PON2: variants seen among roughly 807,000 people sequenced by gnomAD.
PON2 encodes paraoxonase 2.
In PON2, 27 loss-of-function variants were observed where a neutral mutation model predicts 36.6. The observed-to-expected ratio is 0.74, with a 90% CI of 0.54 to 1.02. The LOEUF (loss-of-function observed/expected upper bound fraction) is 1.02, where lower values mean the gene tolerates loss of function less well. Ranked by LOEUF, PON2 falls within the 50% of genes least tolerant of loss-of-function variation. The pLI is 0.00. For synonymous variants in PON2, 149 were observed against 156.3 expected (o/e 0.95, Z 0.35); for missense variants, 363 against 421.1 (o/e 0.86, Z 1.21).
intron 2 of PON2, among the ~76,000 whole-genome samples, chr7:95,422,602 A>T (rs1046224069): frequency 6.6e-6 from 1 of 152,238 alleles, no homozygotes; most frequent in Non-Finnish European, 1.5e-5. Context: ...GTTTTTAAAA[A>T]TTATGTACAG....
Position 95,411,782 on chromosome 7 carries a change from A to T in PON2, c.368-3T>A, listed in dbSNP as rs75311467. 1.2e-6 allele frequency: 2 copies of T among 1,613,234 alleles called. No individual in the cohort carries two copies. The highest frequency in any genetic ancestry group is 2.2e-5 in the East Asian group (1 of 44,858). On this transcript the variant is annotated splice_region_variant and splice_polypyrimidine_tract_variant and intron_variant, in intron 4 of 8. Coordinates refer to ENST00000222572, the MANE Select transcript of PON2 (RefSeq NM_000305.3). ...AACAAAGAGATAAACTGTGTCATCT[A>T]AAGAATTGAAAGAACAGAGTTAATT... is the stretch of plus-strand genomic sequence containing the variant.
At chr7:95,425,009 CA>C (rs1436406311) in intron 1 of PON2, among the ~76,000 whole-genome samples, 1 of 152,012 alleles carries the variant, frequency 6.6e-6, no homozygotes, top group African/African-American at 2.4e-5. Flanking sequence ...ACAGAGACTG[CA>C]AAGAAGCCAA....
chr7:95,405,167 TAAAAG>T lies in PON2; in HGVS notation c.*158_*162del. 2 of 713,336 alleles carry T rather than the reference TAAAAG, an allele frequency of 2.8e-6. No homozygotes were observed. The highest frequency in any genetic ancestry group is 1.8e-5 in the African/African-American group (1 of 55,944). The allele number at this position is 713,336 out of a possible 1,614,324, so 44.2% of individuals were successfully genotyped here. A position where few individuals can be genotyped will look rare whatever the true frequency, so the allele number is the denominator to read the frequency against. ...GAACCTGTTCATTTTCCTTTTTTGT[TAAAAG>T]TGCTCTAAGAACTAAAAGGGCCGTT... On this transcript the variant is annotated 3_prime_UTR_variant, in exon 9 of 9. Transcript: ENST00000222572.
intron 2 of PON2, among the ~76,000 whole-genome samples, chr7:95,417,726 C>CACACACACACACACACACACA (rs56020343): frequency 1.3e-5 from 2 of 148,396 alleles, no homozygotes; most frequent in African/African-American, 5.0e-5. Flanking sequence ...CACACACACA[C>CACACACACACACACACACACA]CGAGAGAGAA....
rs1014215755 is a variant in PON2 at position 95,405,122 on chromosome 7, C to A, written c.*208G>T. The A allele has an allele frequency of 5.5e-6, 3 of 544,436 alleles. No individual in the cohort carries two copies. Among genetic ancestry groups the A allele is most frequent in the African/African-American group, 1.9e-5 (1 of 52,728 alleles). 33.7% of individuals were successfully genotyped at this position (544,436 alleles called of 1,614,324 possible). A position where few individuals can be genotyped will look rare whatever the true frequency, so the allele number is the denominator to read the frequency against. On this transcript the variant is annotated 3_prime_UTR_variant, in exon 9 of 9. Transcript: ENST00000222572. Reference sequence around the variant, plus strand: ...ATTCGAAAGCAGCTTTCTTTTCTGTCCCTTGCTTGGCATTTTAAAGAACCT... The same window carrying A: ...ATTCGAAAGCAGCTTTCTTTTCTGTACCTTGCTTGGCATTTTAAAGAACCT...
chr7:95,415,656 T>G (rs1055983938), intron 3 of PON2, among the ~76,000 whole-genome samples: 10 of 152,212 alleles, frequency 6.6e-5, no homozygotes, highest in African/African-American at 1.9e-4. Flanking sequence ...TAGTGCACAT[T>G]TAAAACACAG....
intron 5 of PON2, 79 bp from the exon 6 acceptor site, chr7:95,410,180 T>G: frequency 1.7e-6 from 2 of 1,205,086 alleles, no homozygotes; most frequent in Non-Finnish European, 2.4e-6. Flanking sequence ...CTCATAAGAT[T>G]TATGCAACAT....
At chr7:95,430,101 G>C (rs1469131215) in intron 1 of PON2, among the ~76,000 whole-genome samples, 2 of 152,120 alleles carry the variant, frequency 1.3e-5, no homozygotes, top group Admixed American at 6.5e-5. Flanking sequence ...TATCTATGAA[G>C]ACTGGATGAA....
At chr7:95,425,214 G>T (rs1355424303) in intron 1 of PON2, among the ~76,000 whole-genome samples, 1 of 152,186 alleles carries the variant, frequency 6.6e-6, no homozygotes, top group Non-Finnish European at 1.5e-5. Flanking sequence ...TGAATTCTGA[G>T]ATTTTAGTGT....
Position 95,420,411 on chromosome 7 carries a change from G to A in PON2, c.145+4104C>T, listed in dbSNP as rs532185772. On this transcript the variant is annotated intron_variant, in intron 2 of 8. Coordinates refer to ENST00000222572, the MANE Select transcript of PON2 (RefSeq NM_000305.3). ...GCTCTTGACATTTTAATATGCAGAT[G>A]TTAATCTGCCAAATCTTGGGTGTAT... Among the ~76,000 whole-genome samples, 11 of 152,270 alleles carry A rather than the reference G, an allele frequency of 7.2e-5. No individual in the cohort carries two copies. The East Asian group carries it at 2.1e-3, about 29-fold the overall frequency.
intron 3 of PON2, chr7:95,415,727 C>G (rs536091242): frequency 6.0e-6 from 1 of 167,584 alleles, no homozygotes; most frequent in African/African-American, 2.4e-5. Flanking sequence ...CTGAGGCAGG[C>G]GATCACCTGA....
At chr7:95,407,818 C>T (rs967260803) in intron 6 of PON2, among the ~76,000 whole-genome samples, 5 of 152,026 alleles carry the variant, frequency 3.3e-5, no homozygotes, top group African/African-American at 9.7e-5. Flanking sequence ...AGCTAACTTC[C>T]GAGGACACAG....
At chr7:95,419,609 T>C (rs1052333644) in intron 2 of PON2, among the ~76,000 whole-genome samples, 2 of 152,188 alleles carry the variant, frequency 1.3e-5, no homozygotes, top group Non-Finnish European at 2.9e-5. Flanking sequence ...ATAGATAACA[T>C]TGCCCACCCT....
intron 1 of PON2, among the ~76,000 whole-genome samples, chr7:95,431,283 A>G (rs1789435799): frequency 6.6e-6 from 1 of 152,202 alleles, no homozygotes; most frequent in African/African-American, 2.4e-5. Context: ...GAGAGAAATA[A>G]CTTGATTGCC....
At chr7:95,410,172 C>A in intron 5 of PON2, 71 bp from the exon 6 acceptor site, 1 of 1,287,842 alleles carries the variant, frequency 7.8e-7, no homozygotes, top group South Asian at 1.2e-5. Flanking sequence ...ATTAAGTACT[C>A]ATAAGATTTA....
At chr7:95,421,931 G>C (rs1405730411) in intron 2 of PON2, among the ~76,000 whole-genome samples, 1 of 152,174 alleles carries the variant, frequency 6.6e-6, no homozygotes, top group Non-Finnish European at 1.5e-5. Flanking sequence ...AGTGAATGTG[G>C]TTACAACTAT....
Position 95,412,357 on chromosome 7 carries a change from A to T in PON2, c.322T>A (p.Leu108Met), listed in dbSNP as rs905131534. 3.7e-6 allele frequency: 6 copies of T among 1,614,186 alleles called. No homozygotes were observed. The highest frequency in any genetic ancestry group is 8.5e-7 in the Non-Finnish European group (1 of 1,180,028). ...RELRISRGFDLASFNPHGIST... is the reference protein window; with the variant it reads ...RELRISRGFDMASFNPHGIST... ...ATGCCATGTGGATTGAATGAGGCCA[A>T]ATCAAACCCACGACTGATTCTTAAT... is the stretch of plus-strand genomic sequence containing the variant. The change falls in exon 4 of 9, where the codon TTG becomes ATG. Residue 108 changes from leucine to methionine, a missense_variant. Transcript: ENST00000222572.
In PON2 at chr7:95,412,476, C is replaced by A; in HGVS notation, c.203G>T (p.Gly68Val). 1.9e-6 allele frequency: 3 copies of A among 1,613,824 alleles called. No homozygotes were observed. The highest frequency in any genetic ancestry group is 1.6e-4 in the Middle Eastern group (1 of 6,062). ...GCTGTGGAGTCCTGGGAATTTTAGA[C>A]CCTTTCCAAAACGGTGAAAAATGTT... ...LPNGLAFFSV[G>V]LKFPGLHSFA... Residue 68 changes from glycine (G) to valine (V), a missense_variant and splice_region_variant, in exon 4 of 9, where the codon GGT becomes GTT. Coordinates refer to ENST00000222572, the MANE Select transcript of PON2 (RefSeq NM_000305.3).
Position 95,409,919 on chromosome 7 carries a change from T to C in PON2, c.677A>G (p.Asn226Ser), listed in dbSNP as rs200897774. Residue 226 changes from asparagine (N) to serine (S), a missense_variant, in exon 6 of 9, where the codon AAT (asparagine) becomes AGT (serine). By Grantham distance (46) the Asn-to-Ser change is conservative. Coordinates refer to ENST00000222572, the MANE Select transcript of PON2 (RefSeq NM_000305.3). ...AEGFDSANGI[N>S]ISPDDKYIYV... ...GCCATACTTATCATCAGGTGAAATATTGATCCCATTTGCTGAATCAAATCC... is the reference window on the plus strand; with the variant it reads ...GCCATACTTATCATCAGGTGAAATACTGATCCCATTTGCTGAATCAAATCC... 1,026 of 1,613,402 alleles carry C rather than the reference T, an allele frequency of 6.4e-4. 17 individuals carry two copies. In the South Asian group the frequency reaches 9.6e-3, roughly 15 times the overall value.
Sources: gnomAD v4.1 joint callset for allele counts (sites outside exome capture counted in the v4.1 genomes callset) on GRCh38, gnomAD v4.1.1 for gene constraint, MANE v1.5 for transcripts, NCBI Gene and HGNC (gene_info 2026-07-23, HGNC 2026-07-21) for gene names.